The following AGO2 variants were observed in gnomAD, a reference collection of about 807,000 sequenced individuals.
AGO2 encodes the protein protein argonaute-2.
A neutral mutation model predicts 102.3 loss-of-function variants in AGO2; 5 were observed. That is an observed-to-expected ratio of 0.05 (90% CI 0.03 to 0.10). The LOEUF is 0.10. AGO2 is among the 10% of genes least tolerant of loss of function. The pLI is 1.00. For synonymous variants in AGO2, 449 were observed against 473.1 expected, an observed-to-expected ratio of 0.95 and a Z score of 0.66; for missense variants, 541 against 1,183.7, an observed-to-expected ratio of 0.46 and a Z score of 7.97.
intron 1 of AGO2, among the ~76,000 whole-genome samples, chr8:140,595,878 A>G (rs1457017680): frequency 8.5e-6 from 1 of 117,874 alleles, no homozygotes; most frequent in Non-Finnish European, 1.6e-5. Flanking sequence ...TGTATATTAT[A>G]TAATATATAA....
At position 140,525,963 on chromosome 8, in the gene AGO2, A is replaced by G. The variant is rs2072498232; in HGVS notation, c.*6081T>C. 2 of 152,186 alleles carry G rather than the reference A, an allele frequency of 1.3e-5. No homozygotes were observed. The allele number at this position is 152,186 out of a possible 1,614,324, so 9.4% of individuals were successfully genotyped here. On this transcript the variant is annotated 3_prime_UTR_variant, in exon 19 of 19. Transcript: ENST00000220592. The stretch of plus-strand genomic sequence containing the variant: ...GCCACTAGTGGGAACTTCTACTTCA[A>G]AACACCAGCTGTGGGCCCTGTGTTC...
chr8:140,554,173 G>A (rs2073053856), intron 10 of AGO2, among the ~76,000 whole-genome samples: 1 of 152,264 alleles, frequency 6.6e-6, no homozygotes, highest in Non-Finnish European at 1.5e-5. Context: ...CCGCACAGGG[G>A]CCAGGCACTC....
chr8:140,620,144 G>A (rs1317651166), intron 1 of AGO2, among the ~76,000 whole-genome samples: 4 of 152,214 alleles, frequency 2.6e-5, no homozygotes, highest in Non-Finnish European at 5.9e-5. Flanking sequence ...CCCACGTCAG[G>A]AGGAAGAGGG....
In AGO2 at chr8:140,567,157, T is replaced by TATTTCA. The variant is rs2073300991; in HGVS notation, c.337-4529_337-4524dup. ...CAAAATACATTCTAATTTGTAAATG[T>TATTTCA]ATTTCAGTCCAGCCTCCGCTTGGCC... On this transcript the variant is annotated intron_variant, in intron 3 of 18. Coordinates refer to ENST00000220592, the MANE Select transcript of AGO2 (RefSeq NM_012154.5). This position sits in a 1 kb window ranked among gnomAD's most constrained non-coding sequence, Gnocchi z 5.0. Among the ~76,000 whole-genome samples the TATTTCA allele has an allele frequency of 6.6e-6, 1 of 152,236 alleles. No homozygotes were observed. The highest frequency in any genetic ancestry group is 2.4e-5 in the African/African-American group (1 of 41,470).
At chr8:140,582,708 T>C (rs1163972616) in intron 2 of AGO2, among the ~76,000 whole-genome samples, 7 of 152,240 alleles carry the variant, frequency 4.6e-5, no homozygotes, top group Non-Finnish European at 1.0e-4. Flanking sequence ...AGAATATCTT[T>C]ATGATCCCTA....
intron 11 of AGO2, among the ~76,000 whole-genome samples, chr8:140,549,559 C>T (rs2072960088): frequency 6.6e-6 from 1 of 152,280 alleles, no homozygotes; most frequent in Admixed American, 6.5e-5. Context: ...GCTAACTTGC[C>T]ACCGTAACAC....
chr8:140,564,314 A>T (rs1404946240), intron 3 of AGO2, among the ~76,000 whole-genome samples: 1 of 148,990 alleles, frequency 6.7e-6, no homozygotes, highest in African/African-American at 2.5e-5. Flanking sequence ...GGACGCAATC[A>T]AGGCTTCGCC....
In AGO2 at chr8:140,557,128, T is replaced by C. The variant is rs147773769; in HGVS notation, c.987A>G (p.Gln329=). ...AGGTGTGTTTCTGCTCCTGTCCGAC[T>C]TGTAAACATGGGAGGTGGGGGTAGC... The part of the protein sequence containing the change: ...VLRYPHLPCL[Q]VGQEQKHTYL... Residue 329 remains glutamine (Q), a synonymous_variant, in exon 8 of 19, where the codon CAA becomes CAG. Transcript: ENST00000220592. The surrounding 1 kb of genome is among the most constrained non-coding windows in gnomAD (Gnocchi z 5.9). The C allele has an allele frequency of 3.1e-6, 5 of 1,613,892 alleles. No individual in the cohort carries two copies. The highest frequency in any genetic ancestry group is 1.3e-5 in the African/African-American group (1 of 74,908).
At chr8:140,568,155 A>T (rs2073320430) in intron 3 of AGO2, among the ~76,000 whole-genome samples, 1 of 151,110 alleles carries the variant, frequency 6.6e-6, no homozygotes. Flanking sequence ...ATGGTGGCAC[A>T]TGCCTGTAGT....
Position 140,547,593 on chromosome 8 carries a change from C to T in AGO2, c.1623G>A (p.Gly541=), listed in dbSNP as rs763585877. 4.3e-6 allele frequency: 7 copies of T among 1,613,836 alleles called. No individual in the cohort carries two copies. The African/African-American group carries it at 6.7e-5, about 15-fold the overall frequency. ...EVKRVGDTVL[G]MATQCVQMKN... is the part of the protein sequence containing the mutation. ...TCATCTGCACGCACTGCGTGGCCAT[C>T]CCCAGCACCGTGTCTCCCACGCGCT... The change falls in exon 13 of 19, where the codon GGG becomes GGA. Residue 541 remains glycine (G), a synonymous_variant. Coordinates refer to ENST00000220592, the MANE Select transcript of AGO2 (RefSeq NM_012154.5).
At chr8:140,570,391 AT>A (rs5895644) in intron 3 of AGO2, among the ~76,000 whole-genome samples, 16 of 147,520 alleles carry the variant, frequency 1.1e-4, no homozygotes, top group African/African-American at 1.0e-4. Flanking sequence ...ATGCTTGGCT[AT>A]TTTTTTTTTG....
At chr8:140,573,107 T>C (rs2073410224) in intron 2 of AGO2, among the ~76,000 whole-genome samples, 175 bp from the exon 3 acceptor site, 1 of 151,684 alleles carries the variant, frequency 6.6e-6, no homozygotes, top group African/African-American at 2.4e-5. Flanking sequence ...CCTCCTGGGT[T>C]CAAGCAATTC....
chr8:140,606,806 G>A (rs756581273), intron 1 of AGO2, among the ~76,000 whole-genome samples: 28 of 150,682 alleles, frequency 1.9e-4, no homozygotes, highest in Admixed American at 9.3e-4. Flanking sequence ...TCGTGGTGGC[G>A]TGTGCCTGTA....
chr8:140,583,794 G>C (rs548069302), intron 2 of AGO2, among the ~76,000 whole-genome samples: 1 of 152,292 alleles, frequency 6.6e-6, no homozygotes, highest in East Asian at 1.9e-4. Flanking sequence ...AGAATCACTT[G>C]AACCCAGGAG....
chr8:140,602,906 T>C (rs2073950564), intron 1 of AGO2, among the ~76,000 whole-genome samples: 1 of 152,184 alleles, frequency 6.6e-6, no homozygotes, highest in Non-Finnish European at 1.5e-5. Flanking sequence ...GCTCACAGTT[T>C]AAAACAAATC....
intron 1 of AGO2, among the ~76,000 whole-genome samples, chr8:140,602,017 T>G (rs2073940800): frequency 6.6e-6 from 1 of 152,144 alleles, no homozygotes; most frequent in South Asian, 2.1e-4. Flanking sequence ...CCCTGGAAAT[T>G]TACATGAAGG....
At chr8:140,591,669 T>A (rs557333847) in intron 1 of AGO2, 1 of 152,376 alleles carries the variant, frequency 6.6e-6, no homozygotes, top group Admixed American at 6.5e-5. Flanking sequence ...AACCTGAAAC[T>A]GCAACCACCA....
chr8:140,562,751 C>T (rs557554623), intron 3 of AGO2, 117 bp from the exon 4 acceptor site: 4 of 1,204,964 alleles, frequency 3.3e-6, no homozygotes, highest in East Asian at 2.4e-5. Context: ...GCCCAGGCCT[C>T]TAGCCAACCA....
At chr8:140,617,921 T>C (rs1009612406) in intron 1 of AGO2, among the ~76,000 whole-genome samples, 3 of 151,908 alleles carry the variant, frequency 2.0e-5, no homozygotes, top group South Asian at 4.2e-4. Context: ...GGTGGCAGGA[T>C]TGCTCGAGCC....
Sources: allele counts gnomAD v4.1 joint callset (sites outside exome capture counted in the v4.1 genomes callset), GRCh38; gene constraint gnomAD v4.1.1; non-coding constraint Gnocchi (gnomAD v3.1); transcripts MANE v1.5; gene names NCBI Gene and HGNC (gene_info 2026-07-23, HGNC 2026-07-21).